NOC3L: variants seen among roughly 807,000 people sequenced by gnomAD.
The protein encoded by NOC3L is NOC3 like DNA replication regulator.
A neutral mutation model predicts 102.5 loss-of-function variants in NOC3L; 85 were observed. That is an observed-to-expected ratio of 0.83 (90% CI 0.70 to 0.99). NOC3L has a LOEUF of 0.99. Ranked by LOEUF, NOC3L falls within the 50% of genes least tolerant of loss-of-function variation. The pLI, the probability that NOC3L is intolerant of heterozygous loss-of-function variation, is 0.00. For missense variants in NOC3L, 878 were observed against 914.9 expected, an observed-to-expected ratio of 0.96 and a Z score of 0.52; for synonymous variants, 303 against 309.4, an observed-to-expected ratio of 0.98 and a Z score of 0.22.
At chr10:94,362,767 G>T in intron 1 of NOC3L, 63 bp downstream of exon 1, 3 of 1,575,112 alleles carry the variant, frequency 1.9e-6, no homozygotes, top group Non-Finnish European at 2.6e-6. Flanking sequence ...GCTAACTCAG[G>T]CAGTGACTCT....
At chr10:94,340,788 T>C (rs184572913) in intron 14 of NOC3L, among the ~76,000 whole-genome samples, 3,259 of 151,974 alleles carry the variant, frequency 0.021, 44 homozygotes, top group South Asian at 0.041. Flanking sequence ...AAGACCATCC[T>C]GGCTAACACG....
chr10:94,338,559 A>C (rs752773770), intron 18 of NOC3L, 49 bp downstream of exon 18: 1 of 1,429,286 alleles, frequency 7.0e-7, no homozygotes, highest in South Asian at 1.8e-5. Flanking sequence ...ACTGGAAAAC[A>C]ATTATTCACA....
chr10:94,357,568 G>A (rs995661926), intron 3 of NOC3L: 3 of 336,880 alleles, frequency 8.9e-6, no homozygotes, highest in African/African-American at 6.4e-5. Flanking sequence ...TTTCCCTCTA[G>A]ATGCAAAATA....
At chr10:94,323,893 C>A in the NOC3L span, among the ~76,000 whole-genome samples, 1 of 152,162 alleles carries the variant, frequency 6.6e-6, no homozygotes, top group Non-Finnish European at 1.5e-5. Context: ...GATCAGTTGA[C>A]TTCTAAAATT....
Position 94,362,904 on chromosome 10 carries a change from G to C in NOC3L, c.-66C>G, listed in dbSNP as rs1473067600. 9.9e-6 allele frequency: 16 copies of C among 1,613,212 alleles called. No homozygotes were observed. The Admixed American group carries it at 2.5e-4, about 25-fold the overall frequency. On this transcript the variant is annotated 5_prime_UTR_variant, in exon 1 of 21. Coordinates refer to ENST00000371361, the MANE Select transcript of NOC3L (RefSeq NM_022451.11). ...GAAGCAGGGTTACTACAGAAATCCC[G>C]GGGAATGACACACGTGCCGAAGTCC...
the NOC3L span, chr10:94,316,777 C>T: frequency 1.9e-6 from 3 of 1,544,026 alleles, no homozygotes; most frequent in Admixed American, 5.0e-5. Flanking sequence ...CTGGGTGCAG[C>T]CTACACAGTA....
Position 94,344,861 on chromosome 10 carries a change from G to A in NOC3L, c.1462C>T (p.Leu488Phe), listed in dbSNP as rs1349276835. 5 of 1,600,450 alleles carry A rather than the reference G, an allele frequency of 3.1e-6. No homozygotes were observed. The highest frequency in any genetic ancestry group is 2.2e-5 in the East Asian group (1 of 44,758). The change falls in exon 12 of 21, where the codon CTT (leucine) becomes TTT (phenylalanine). Residue 488 changes from leucine to phenylalanine, a missense_variant. Transcript: ENST00000371361. The stretch of plus-strand genomic sequence containing the variant: ...AATATGAAACTGCCTACCAGTTTAA[G>A]TTTTTTCTCAGTACTCTCTGAAGCT... ...AEASESTEKK[L>F]KLHTETLNIV...
intron 17 of NOC3L, among the ~76,000 whole-genome samples, chr10:94,339,191 A>C (rs2054254578): frequency 6.6e-6 from 1 of 152,206 alleles, no homozygotes; most frequent in Non-Finnish European, 1.5e-5. Flanking sequence ...CAAGACACTT[A>C]ACCTCTCTGG....
downstream of NOC3L, chr10:94,328,346 A>G (rs569145509): frequency 6.2e-6 from 1 of 160,862 alleles, no homozygotes; most frequent in Admixed American, 6.1e-5. Flanking sequence ...ACATACATGA[A>G]CGAACGTGGC....
intron 9 of NOC3L, 37 bp from the exon 10 acceptor site, chr10:94,349,415 C>T: frequency 6.4e-7 from 1 of 1,554,558 alleles, no homozygotes; most frequent in Non-Finnish European, 8.6e-7. Flanking sequence ...CAGTGTTTCT[C>T]AACCTTAGCA....
At chr10:94,334,854 A>T in intron 19 of NOC3L, 136 bp from the exon 20 acceptor site, 1 of 644,018 alleles carries the variant, frequency 1.6e-6, no homozygotes, top group Non-Finnish European at 2.7e-6. Context: ...CAACCAATCC[A>T]GTCACTTAAC....
chr10:94,321,938 A>G, the NOC3L span: 1 of 1,613,768 alleles, frequency 6.2e-7, no homozygotes, highest in Non-Finnish European at 8.5e-7. Context: ...GATGACAAAG[A>G]GGTGATCTTG....
the NOC3L span, among the ~76,000 whole-genome samples, chr10:94,318,244 T>C: frequency 6.6e-6 from 1 of 152,210 alleles, no homozygotes; most frequent in Non-Finnish European, 1.5e-5. Context: ...ACCCTAATAA[T>C]AATCACTTTA....
At chr10:94,325,093 T>G in the NOC3L span, 3 of 1,612,598 alleles carry the variant, frequency 1.9e-6, no homozygotes, top group Non-Finnish European at 2.5e-6. Flanking sequence ...AAGGGCAGCA[T>G]GTTTAACCCA....
At position 94,357,302 on chromosome 10, in the gene NOC3L, T is replaced by C; in HGVS notation, c.380A>G (p.His127Arg). ...TTCATATTTATCTATAATGCGTTCA[T>C]GCTTCCGTTTCTTCGCATGAACAGG... ...SEPVHAKKRK[H>R]ERIIDKYEKI... Residue 127 changes from histidine (H) to arginine (R), a missense_variant, in exon 4 of 21, where the codon CAT becomes CGT. By Grantham distance (29) the His-to-Arg change is conservative. Coordinates refer to ENST00000371361, the MANE Select transcript of NOC3L (RefSeq NM_022451.11). 3 of 1,602,182 alleles carry C rather than the reference T, an allele frequency of 1.9e-6. No homozygotes were observed. The highest frequency in any genetic ancestry group is 1.1e-5 in the South Asian group (1 of 88,210).
chr10:94,350,159 T>A lies in NOC3L; in HGVS notation c.1082A>T (p.Asn361Ile), dbSNP rs372992260. The change falls in exon 9 of 21, where the codon AAC (asparagine) becomes ATC (isoleucine). Residue 361 changes from asparagine to isoleucine, a missense_variant. Coordinates refer to ENST00000371361, the MANE Select transcript of NOC3L (RefSeq NM_022451.11). ...GAGAGGGACAATCAATACGATGATG[T>A]TGTTGTGAAAGTTAAAATGAGGTAG... ...VALPHFNFHN[N>I]IIVLIVPLMN... 1.6e-5 allele frequency: 26 copies of A among 1,614,050 alleles called. No individual in the cohort carries two copies. Among genetic ancestry groups the A allele is most frequent in the Admixed American group, 3.3e-5 (2 of 60,008 alleles).
At chr10:94,315,198 TG>T in the NOC3L span, 3 of 331,306 alleles carry the variant, frequency 9.1e-6, no homozygotes, top group Admixed American at 7.9e-5. Flanking sequence ...GACCAAGGGC[TG>T]GGGTGGAGAG....
chr10:94,316,687 G>A, the NOC3L span: 1 of 1,613,906 alleles, frequency 6.2e-7, no homozygotes, highest in African/African-American at 1.3e-5. Flanking sequence ...AGGAGATCAT[G>A]CAAATTTTAA....
At chr10:94,328,230 C>T (rs2054104076), downstream of NOC3L, 1 of 282,892 alleles carries the variant, frequency 3.5e-6, no homozygotes, top group Non-Finnish European at 7.4e-6. Flanking sequence ...GGTCAGCAAG[C>T]TTGTCTGTAA....
Sources: gnomAD v4.1 joint callset for allele counts (sites outside exome capture counted in the v4.1 genomes callset) on GRCh38, gnomAD v4.1.1 for gene constraint, MANE v1.5 for transcripts, NCBI Gene and HGNC (gene_info 2026-07-23, HGNC 2026-07-21) for gene names.